PPP1R1C: variants seen among roughly 807,000 people sequenced by gnomAD.
PPP1R1C encodes protein phosphatase 1 regulatory subunit 1C.
PPP1R1C carries 15 observed loss-of-function variants against 17.4 expected under a neutral mutation model. The ratio of observed to expected loss-of-function variants is 0.86; its 90% CI spans 0.58 to 1.33. PPP1R1C has a LOEUF of 1.33. Ranked by LOEUF, PPP1R1C falls within the 40% of genes most tolerant of loss-of-function variation. The pLI, the probability that PPP1R1C is intolerant of heterozygous loss-of-function variation, is 0.00. For missense variants in PPP1R1C, 143 were observed against 130.0 expected, an observed-to-expected ratio of 1.10 and a Z score of -0.48; for synonymous variants, 35 against 43.1, an observed-to-expected ratio of 0.81 and a Z score of 0.73.
chr2:182,115,559 TA>T (rs1689557344), intron 4 of PPP1R1C, among the ~76,000 whole-genome samples: 1 of 152,156 alleles, frequency 6.6e-6, no homozygotes, highest in African/African-American at 2.4e-5. Context: ...GTTGGACACT[TA>T]ATAAACCCTC....
chr2:182,046,789 C>T (rs887869456), intron 2 of PPP1R1C, among the ~76,000 whole-genome samples: 6 of 150,632 alleles, frequency 4.0e-5, no homozygotes, highest in African/African-American at 1.5e-4. Context: ...TTAAGTTGGA[C>T]AATCATGGCA....
chr2:182,120,133 A>G (rs1210415122), downstream of PPP1R1C, among the ~76,000 whole-genome samples: 1 of 152,172 alleles, frequency 6.6e-6, no homozygotes, highest in Non-Finnish European at 1.5e-5. Context: ...ATGGCTAGCC[A>G]GTTTTCCCAG....
chr2:182,001,561 T>C (rs1153736), intron 2 of PPP1R1C, among the ~76,000 whole-genome samples: 34,735 of 152,040 alleles, frequency 0.23, 4,886 homozygotes, highest in Admixed American at 0.4. Flanking sequence ...TTTCCTTCCA[T>C]GTGAACTTGG....
chr2:182,092,296 A>G (rs1688804619), intron 4 of PPP1R1C, among the ~76,000 whole-genome samples: 1 of 152,168 alleles, frequency 6.6e-6, no homozygotes, highest in South Asian at 2.1e-4. Flanking sequence ...ATTCATAATC[A>G]TGAGAACAGC....
Position 181,962,079 on chromosome 2 carries a change from C to A in PPP1R1C, n.111+7445C>A. On this transcript the variant is annotated intron_variant and non_coding_transcript_variant, in intron 1 of 5. Coordinates refer to the PPP1R1C transcript ENST00000464264. The surrounding 1 kb of genome is among the most constrained non-coding windows in gnomAD (Gnocchi z 6.0). ...GCGAAGATCTGAACCCTCAGGTCCTCGATGGTCTTGAGGTAATGACTCCAG... is the reference window on the plus strand; with the variant it reads ...GCGAAGATCTGAACCCTCAGGTCCTAGATGGTCTTGAGGTAATGACTCCAG... 1.4e-6 allele frequency: 1 copy of A among 721,966 alleles called. No homozygotes were observed. Among genetic ancestry groups the A allele is most frequent in the South Asian group, 1.4e-5 (1 of 73,496 alleles). 44.7% of individuals were successfully genotyped at this position (721,966 alleles called of 1,614,324 possible).
intron 2 of PPP1R1C, among the ~76,000 whole-genome samples, chr2:182,007,880 G>A (rs1309502952): frequency 1.3e-5 from 2 of 152,122 alleles, no homozygotes; most frequent in African/African-American, 4.8e-5. Flanking sequence ...GGCTAACACG[G>A]TGAAACCCCG....
intron 2 of PPP1R1C, among the ~76,000 whole-genome samples, chr2:182,039,651 C>T (rs1687121834): frequency 6.6e-6 from 1 of 152,168 alleles, no homozygotes; most frequent in South Asian, 2.1e-4. Context: ...TCCCAAAGTA[C>T]TGAGATTACA....
At chr2:182,098,735 A>G (rs1446285423) in intron 4 of PPP1R1C, among the ~76,000 whole-genome samples, 1 of 152,186 alleles carries the variant, frequency 6.6e-6, no homozygotes, top group African/African-American at 2.4e-5. Flanking sequence ...AATGTATGGG[A>G]AAAGTACTTC....
At chr2:181,990,998 A>C (rs1685458423) in intron 2 of PPP1R1C, among the ~76,000 whole-genome samples, 1 of 152,232 alleles carries the variant, frequency 6.6e-6, no homozygotes, top group Admixed American at 6.5e-5. Context: ...ATTGTCAATT[A>C]ATAAAGCAAA....
At chr2:182,000,104 C>CT (rs1234362197) in intron 2 of PPP1R1C, among the ~76,000 whole-genome samples, 2 of 152,142 alleles carry the variant, frequency 1.3e-5, no homozygotes, top group African/African-American at 4.8e-5. Context: ...GAAGGTTTTG[C>CT]ACGAGTAAGC....
At chr2:182,079,354 G>A (rs1191075627) in intron 4 of PPP1R1C, among the ~76,000 whole-genome samples, 4 of 152,146 alleles carry the variant, frequency 2.6e-5, no homozygotes, top group African/African-American at 4.8e-5. Context: ...AATGTCTTAC[G>A]TATTCTGAAC....
intron 4 of PPP1R1C, among the ~76,000 whole-genome samples, chr2:182,074,032 ATTC>A (rs1215795783): frequency 4.7e-5 from 7 of 148,954 alleles, no homozygotes; most frequent in African/African-American, 1.5e-4. Context: ...GTAGTTAAAA[ATTC>A]TTCTTCTTTT....
At chr2:182,006,680 C>T (rs552354970) in intron 2 of PPP1R1C, among the ~76,000 whole-genome samples, 4 of 152,278 alleles carry the variant, frequency 2.6e-5, no homozygotes, top group South Asian at 2.1e-4. Flanking sequence ...TGTGCTGAAA[C>T]GTGTGTGAAG....
chr2:182,066,616 G>C (rs1005394136), intron 4 of PPP1R1C, among the ~76,000 whole-genome samples: 2 of 152,068 alleles, frequency 1.3e-5, no homozygotes, highest in Non-Finnish European at 2.9e-5. Flanking sequence ...TATTTCAGAT[G>C]CCTTGTGCTA....
chr2:182,100,251 C>G (rs1056013239), intron 4 of PPP1R1C, among the ~76,000 whole-genome samples: 24 of 152,212 alleles, frequency 1.6e-4, no homozygotes, highest in Middle Eastern at 3.4e-3. Context: ...GTGGCTCACC[C>G]CTGTAGTCCC....
At chr2:182,082,287 CAG>C (rs900699626) in intron 4 of PPP1R1C, among the ~76,000 whole-genome samples, 2 of 152,128 alleles carry the variant, frequency 1.3e-5, no homozygotes, top group African/African-American at 2.4e-5. Flanking sequence ...CTTAGGTAAA[CAG>C]AGGGGATGCA....
Position 181,988,017 on chromosome 2 carries a change from A to G in PPP1R1C, c.142+118A>G, listed in dbSNP as rs373549818. 81 of 732,534 alleles carry G rather than the reference A, an allele frequency of 1.1e-4. No individual in the cohort carries two copies. The African/African-American group carries it at 1.3e-3, about 12-fold the overall frequency. The allele number at this position is 732,534 out of a possible 1,614,324, so 45.4% of individuals were successfully genotyped here. A position where few individuals can be genotyped will look rare whatever the true frequency, so the allele number is the denominator to read the frequency against. On this transcript the variant is annotated intron_variant, in intron 2 of 4. Coordinates refer to ENST00000682840, the MANE Select transcript of PPP1R1C (RefSeq NM_001080545.3). ...AGGATTTCACAGTTAGCAATACTCT[A>G]GAAAGCTAATCTATAAAATGGATCG...
intron 4 of PPP1R1C, among the ~76,000 whole-genome samples, chr2:182,078,713 T>G (rs1688387816): frequency 6.6e-6 from 1 of 152,228 alleles, no homozygotes; most frequent in Admixed American, 6.5e-5. Context: ...TCCAGTTATT[T>G]AACCTTTATA....
intron 4 of PPP1R1C, among the ~76,000 whole-genome samples, chr2:182,085,509 C>A (rs1041488403): frequency 6.6e-6 from 1 of 151,952 alleles, no homozygotes. Flanking sequence ...CGAGTATGAA[C>A]GTGAATATGG....
Sources: allele counts gnomAD v4.1 joint callset (sites outside exome capture counted in the v4.1 genomes callset), GRCh38; gene constraint gnomAD v4.1.1; non-coding constraint Gnocchi (gnomAD v3.1); transcripts MANE v1.5; gene names NCBI Gene and HGNC (gene_info 2026-07-23, HGNC 2026-07-21).